Variants in THSD7B observed in about 807,000 individuals in gnomAD.
The protein encoded by THSD7B is thrombospondin type 1 domain containing 7B.
In THSD7B, 138 loss-of-function variants were observed where a neutral mutation model predicts 213.6. That is an observed-to-expected ratio of 0.65 (90% confidence interval 0.56 to 0.74). The LOEUF (loss-of-function observed/expected upper bound fraction) is 0.74. Among genes scored for constraint, THSD7B ranks in the 30% least tolerant of loss-of-function variants. The probability of loss-of-function intolerance (pLI) is 0.00; values close to 1 mark genes in which losing one functional copy is unlikely to be tolerated. For synonymous variants in THSD7B, 742 were observed against 687.0 expected, an observed-to-expected ratio of 1.08 and a Z score of -1.25; for missense variants, 1,931 against 1,991.5, an observed-to-expected ratio of 0.97 and a Z score of 0.58.
chr2:136,819,055 C>G (rs888412132), intron 1 of THSD7B, among the ~76,000 whole-genome samples: 10 of 152,146 alleles, frequency 6.6e-5, no homozygotes, highest in African/African-American at 2.4e-4. Flanking sequence ...CTGAGCGGCT[C>G]TGTGCTTAAT....
At chr2:136,950,634 T>G (rs2105071594) in intron 2 of THSD7B, among the ~76,000 whole-genome samples, 1 of 152,326 alleles carries the variant, frequency 6.6e-6, no homozygotes, top group African/African-American at 2.4e-5. Flanking sequence ...ATTGTTTAAT[T>G]AATTTGTAAA....
intron 2 of THSD7B, among the ~76,000 whole-genome samples, chr2:137,043,639 C>A (rs1278737926): frequency 6.6e-6 from 1 of 152,048 alleles, no homozygotes; most frequent in African/African-American, 2.4e-5. Context: ...CTCAGAAATA[C>A]CCAAGGTAAC....
chr2:136,959,698 G>A (rs1216827041), intron 2 of THSD7B, among the ~76,000 whole-genome samples: 1 of 152,166 alleles, frequency 6.6e-6, no homozygotes, highest in Admixed American at 6.5e-5. Flanking sequence ...ACTAGAGATA[G>A]AATAGATTGC....
intron 15 of THSD7B, among the ~76,000 whole-genome samples, chr2:137,483,577 T>C (rs1688355781): frequency 6.6e-6 from 1 of 152,192 alleles, no homozygotes; most frequent in African/African-American, 2.4e-5. Context: ...TATTGTCTAT[T>C]TATTTTATTT....
chr2:136,791,563 G>A (rs76243712), intron 1 of THSD7B, among the ~76,000 whole-genome samples: 6,384 of 112,306 alleles, frequency 0.057, 170 homozygotes, highest in South Asian at 0.15. Context: ...CCCCCCATCC[G>A]AGGCAACCCT....
intron 15 of THSD7B, among the ~76,000 whole-genome samples, chr2:137,507,728 C>T (rs1446388118): frequency 2.0e-5 from 3 of 149,900 alleles, no homozygotes; most frequent in East Asian, 3.9e-4. Flanking sequence ...GTCTTCTTTC[C>T]TCTCTCTCTA....
chr2:137,020,129 T>C (rs543653057), intron 2 of THSD7B, among the ~76,000 whole-genome samples: 1 of 152,308 alleles, frequency 6.6e-6, no homozygotes, highest in Admixed American at 6.5e-5. Flanking sequence ...ACAGCTGGGT[T>C]GGATTTCCAG....
intron 15 of THSD7B, among the ~76,000 whole-genome samples, chr2:137,542,339 T>C (rs77559408): frequency 0.033 from 4,957 of 151,736 alleles, 112 homozygotes; most frequent in Middle Eastern, 0.082. Context: ...AATACTTACA[T>C]ATCCAGCAAA....
intron 2 of THSD7B, among the ~76,000 whole-genome samples, chr2:136,942,682 AT>A: frequency 6.6e-6 from 1 of 152,190 alleles, no homozygotes; most frequent in African/African-American, 2.4e-5. Context: ...AATGCTTGTG[AT>A]TTTCGCACAT....
chr2:137,426,148 CTA>C (rs1324598618), intron 14 of THSD7B, among the ~76,000 whole-genome samples: 1 of 151,950 alleles, frequency 6.6e-6, no homozygotes, highest in Non-Finnish European at 1.5e-5. Flanking sequence ...AAGCTGAAAA[CTA>C]TAAAACATCA....
At chr2:137,070,260 T>C (rs1246753744) in intron 3 of THSD7B, among the ~76,000 whole-genome samples, 1 of 151,980 alleles carries the variant, frequency 6.6e-6, no homozygotes, top group Admixed American at 6.6e-5. Context: ...AATTAGTTCA[T>C]ATTAGTTATT....
chr2:137,348,793 A>T (rs1348641414), intron 12 of THSD7B, among the ~76,000 whole-genome samples: 2 of 149,622 alleles, frequency 1.3e-5, no homozygotes, highest in East Asian at 3.9e-4. Flanking sequence ...GTTAAAGCCA[A>T]GGTCAAGACA....
At chr2:137,049,553 C>G (rs921622097) in intron 2 of THSD7B, among the ~76,000 whole-genome samples, 8 of 152,180 alleles carry the variant, frequency 5.3e-5, no homozygotes, top group Non-Finnish European at 8.8e-5. Flanking sequence ...TAAACCATGC[C>G]TATTACTATT....
At chr2:136,932,477 ACT>A (rs1684647196) in intron 2 of THSD7B, among the ~76,000 whole-genome samples, 1 of 57,186 alleles carries the variant, frequency 1.7e-5, no homozygotes, top group Non-Finnish European at 7.2e-5. Flanking sequence ...TTGAAACTTA[ACT>A]AATAGGCTAT....
intron 15 of THSD7B, among the ~76,000 whole-genome samples, chr2:137,517,939 C>G (rs1407001783): frequency 6.6e-6 from 1 of 152,160 alleles, no homozygotes; most frequent in Non-Finnish European, 1.5e-5. Flanking sequence ...CACCATGCAA[C>G]CTGAACTGCC....
intron 12 of THSD7B, among the ~76,000 whole-genome samples, chr2:137,398,858 A>G (rs1363385296): frequency 1.3e-5 from 2 of 152,078 alleles, no homozygotes; most frequent in East Asian, 1.9e-4. Flanking sequence ...GCGGGATATA[A>G]TCTCTTGGTG....
intron 5 of THSD7B, among the ~76,000 whole-genome samples, chr2:137,159,419 C>T (rs112684267): frequency 0.045 from 6,719 of 150,906 alleles, 505 homozygotes; most frequent in African/African-American, 0.15. Context: ...CAGGGTGAAA[C>T]CCTGTCTCAA....
chr2:137,563,459 C>T (rs1316959016), intron 16 of THSD7B, 105 bp downstream of exon 16: 4 of 1,393,838 alleles, frequency 2.9e-6, no homozygotes, highest in African/African-American at 2.9e-5. Flanking sequence ...ATTTTCATAA[C>T]ATATACTCTG....
At chr2:137,568,541 G>A (rs1681287538) in intron 16 of THSD7B, among the ~76,000 whole-genome samples, 1 of 152,106 alleles carries the variant, frequency 6.6e-6, no homozygotes, top group African/African-American at 2.4e-5. Flanking sequence ...AAAAGAAAGA[G>A]ATTTAGTTGA....
Sources: allele counts gnomAD v4.1 joint callset (sites outside exome capture counted in the v4.1 genomes callset), GRCh38; gene constraint gnomAD v4.1.1; transcripts MANE v1.5; gene names NCBI Gene and HGNC (gene_info 2026-07-23, HGNC 2026-07-21).